TRPC5: variants seen among roughly 807,000 people sequenced by gnomAD.
TRPC5 encodes the protein short transient receptor potential channel 5.
A neutral mutation model predicts 56.5 loss-of-function variants in TRPC5; 9 were observed. The ratio of observed to expected loss-of-function variants is 0.16; its 90% confidence interval spans 0.10 to 0.28. The LOEUF (loss-of-function observed/expected upper bound fraction) is 0.28. TRPC5 is among the 10% of genes least tolerant of loss of function. The probability of loss-of-function intolerance (pLI) is 1.00; values close to 1 mark genes in which losing one functional copy is unlikely to be tolerated. For missense variants in TRPC5, 469 were observed against 748.9 expected (o/e 0.63, Z 4.36); for synonymous variants, 282 against 278.5 (o/e 1.01, Z -0.13).
At chrX:111,779,225 G>A in intron 9 of TRPC5, 151 bp from the exon 10 acceptor site, 2 of 374,054 alleles carry the variant, frequency 5.3e-6, no homozygotes, top group Non-Finnish European at 8.9e-6. Flanking sequence ...AATGAGTTAA[G>A]TCCATTGGCT....
chrX:111,995,511 A>G (rs1355236471), intron 1 of TRPC5, among the ~76,000 whole-genome samples: 1 of 111,001 alleles, frequency 9.0e-6, no homozygotes, highest in Non-Finnish European at 1.9e-5. Context: ...CTCTTTTTCT[A>G]TTGATTGGAA....
intron 3 of TRPC5, among the ~76,000 whole-genome samples, chrX:111,883,662 A>G (rs182356710): frequency 8.9e-6 from 1 of 112,114 alleles, no homozygotes; most frequent in Non-Finnish European, 1.9e-5. Context: ...TTAAGACCTC[A>G]TCGGTGTATT....
At chrX:111,838,428 T>C (rs1213031399) in intron 6 of TRPC5, among the ~76,000 whole-genome samples, 2 of 110,719 alleles carry the variant, frequency 1.8e-5, no homozygotes, top group Admixed American at 9.7e-5. Flanking sequence ...CTCGGTTTAA[T>C]ACACAGGGAA....
chrX:112,081,938 A>C lies in TRPC5; in HGVS notation c.-81T>G, dbSNP rs1454643856. 2 of 111,523 alleles carry C rather than the reference A, an allele frequency of 1.8e-5. No individual in the cohort carries two copies. The highest frequency in any genetic ancestry group is 3.8e-5 in the Non-Finnish European group (2 of 53,120). The allele number at this position is 111,523 out of a possible 1,213,427, so 9.2% of individuals were successfully genotyped here. A position where few individuals can be genotyped will look rare whatever the true frequency, so the allele number is the denominator to read the frequency against. ...GTCGTCTGGATGTCCACCGGCCAGGATGCGTGGTGCGGCGCCTTGCCGGAC... is the reference window on the plus strand; with the variant it reads ...GTCGTCTGGATGTCCACCGGCCAGGCTGCGTGGTGCGGCGCCTTGCCGGAC... On this transcript the variant is annotated 5_prime_UTR_variant, in exon 1 of 11. Coordinates refer to ENST00000262839, the MANE Select transcript of TRPC5 (RefSeq NM_012471.3).
chrX:111,831,233 G>A (rs1411429268), intron 7 of TRPC5, among the ~76,000 whole-genome samples: 4 of 112,377 alleles, frequency 3.6e-5, no homozygotes, highest in Admixed American at 1.9e-4. Context: ...TTACCAACTG[G>A]TATGGAAGTG....
At chrX:111,789,768 T>G (rs1421828884) in intron 7 of TRPC5, among the ~76,000 whole-genome samples, 1 of 112,326 alleles carries the variant, frequency 8.9e-6, no homozygotes, top group Non-Finnish European at 1.9e-5. Flanking sequence ...ACAGACTTCT[T>G]AAAACAAGAC....
chrX:112,016,814 C>T (rs1436583356), intron 1 of TRPC5, among the ~76,000 whole-genome samples: 2 of 111,347 alleles, frequency 1.8e-5, no homozygotes, highest in African/African-American at 3.3e-5. Flanking sequence ...CTCCTATTTG[C>T]TGCATTACTT....
intron 1 of TRPC5, among the ~76,000 whole-genome samples, chrX:112,040,842 A>T (rs1217921012): frequency 8.9e-6 from 1 of 112,086 alleles, no homozygotes; most frequent in Admixed American, 9.5e-5. Flanking sequence ...TGAGACAGGG[A>T]TTCAAGTATA....
At chrX:112,043,692 AT>A (rs1426581781) in intron 1 of TRPC5, among the ~76,000 whole-genome samples, 1 of 110,171 alleles carries the variant, frequency 9.1e-6, no homozygotes, top group East Asian at 2.8e-4. Flanking sequence ...AAGAGGAGAA[AT>A]GTCCTTGCCT....
intron 2 of TRPC5, among the ~76,000 whole-genome samples, chrX:111,939,041 G>A (rs1926691114): frequency 8.9e-6 from 1 of 111,925 alleles, no homozygotes; most frequent in South Asian, 3.7e-4. Flanking sequence ...GTGGTCTGTT[G>A]TATGCGGCTT....
intron 7 of TRPC5, among the ~76,000 whole-genome samples, chrX:111,809,076 A>G (rs963408797): frequency 9.1e-6 from 1 of 109,658 alleles, no homozygotes; most frequent in Non-Finnish European, 1.9e-5. Context: ...AAGCAGAAGG[A>G]AGGGGTCTTA....
At chrX:111,828,549 C>T (rs1053900899) in intron 7 of TRPC5, among the ~76,000 whole-genome samples, 2 of 111,574 alleles carry the variant, frequency 1.8e-5, no homozygotes, top group Admixed American at 9.5e-5. Flanking sequence ...TTCATAGCAG[C>T]GTGAGAACAG....
At chrX:111,983,092 C>G (rs1389798415) in intron 1 of TRPC5, among the ~76,000 whole-genome samples, 1 of 111,885 alleles carries the variant, frequency 8.9e-6, no homozygotes, top group East Asian at 2.8e-4. Flanking sequence ...CATGGACTCA[C>G]TGCTATACCT....
At chrX:111,890,717 A>T (rs899578608) in intron 3 of TRPC5, among the ~76,000 whole-genome samples, 1 of 112,179 alleles carries the variant, frequency 8.9e-6, no homozygotes, top group East Asian at 2.8e-4. Context: ...TAAATAAAAA[A>T]TTTTAACTTT....
intron 1 of TRPC5, among the ~76,000 whole-genome samples, chrX:111,998,487 A>C (rs576860959): frequency 9.0e-6 from 1 of 111,642 alleles, no homozygotes; most frequent in Non-Finnish European, 1.9e-5. Flanking sequence ...GGTTGGTTCC[A>C]GGACCCTTGT....
chrX:112,021,734 CTG>C (rs753822489), intron 1 of TRPC5, among the ~76,000 whole-genome samples: 5 of 112,242 alleles, frequency 4.5e-5, no homozygotes, highest in Admixed American at 2.8e-4. Context: ...ACCAAGGCTA[CTG>C]TGTGTGTTAT....
Position 111,776,240 on chromosome X carries a change from TTC to T in TRPC5, c.*71_*72del. On this transcript the variant is annotated 3_prime_UTR_variant, in exon 11 of 11. Coordinates refer to ENST00000262839, the MANE Select transcript of TRPC5 (RefSeq NM_012471.3). ...GGGCAGGGGCAGTGAGGGAATCATATTCTGTGTCACCTCTGAGAGCAAGGAAA... is the reference window on the plus strand; with the variant it reads ...GGGCAGGGGCAGTGAGGGAATCATATTGTGTCACCTCTGAGAGCAAGGAAA... 3.9e-6 allele frequency: 4 copies of T among 1,027,622 alleles called. No individual in the cohort carries two copies. The highest frequency in any genetic ancestry group is 5.2e-6 in the Non-Finnish European group (4 of 773,275). The allele number at this position is 1,027,622 out of a possible 1,213,427, so 84.7% of individuals were successfully genotyped here. A position where few individuals can be genotyped will look rare whatever the true frequency, so the allele number is the denominator to read the frequency against.
In TRPC5 at chrX:111,857,248, C is replaced by T. The variant is rs1603059589; in HGVS notation, c.901-3142G>A. Among the ~76,000 whole-genome samples the T allele has an allele frequency of 2.7e-5, 3 of 111,825 alleles. No homozygotes were observed. In the Admixed American group the frequency reaches 2.8e-4, roughly 11 times the overall value. On this transcript the variant is annotated intron_variant, in intron 3 of 10. Transcript: ENST00000262839. ...GAAAGATTAGTTAGAAAACTGTTGT[C>T]AATCTTGAACAAAATGATGGTGACT...
chrX:111,769,312 A>G lies in TRPC5; in HGVS notation c.*7001T>C, dbSNP rs1240949540. ...AGCATAAGCCATTGGAACTCAATGT[A>G]TTTTACTGTTTAAACACAAAGGGTT... On this transcript the variant is annotated 3_prime_UTR_variant, in exon 11 of 11. Transcript: ENST00000262839. Among the ~76,000 whole-genome samples, 1 of 112,192 alleles carries G rather than the reference A, an allele frequency of 8.9e-6. No individual in the cohort carries two copies. Among genetic ancestry groups the G allele is most frequent in the African/African-American group, 3.2e-5 (1 of 30,898 alleles).
Sources: allele counts gnomAD v4.1 joint callset (sites outside exome capture counted in the v4.1 genomes callset), GRCh38; gene constraint gnomAD v4.1.1; transcripts MANE v1.5; gene names NCBI Gene and HGNC (gene_info 2026-07-23, HGNC 2026-07-21).